NALF1: variants seen among roughly 807,000 people sequenced by gnomAD.
NALF1 encodes the protein NALCN channel auxiliary factor 1, also known as family with sequence similarity 155 member A.
A neutral mutation model predicts 48.4 loss-of-function variants in NALF1; 3 were observed. The observed-to-expected ratio is 0.06, with a 90% confidence interval of 0.03 to 0.16. NALF1 has a LOEUF of 0.16. Among genes scored for constraint, NALF1 ranks in the 10% least tolerant of loss-of-function variants. The pLI is 1.00. For missense variants in NALF1, 526 were observed against 571.5 expected (o/e 0.92, Z 0.81); for synonymous variants, 262 against 245.7 (o/e 1.07, Z -0.62).
intron 1 of NALF1, among the ~76,000 whole-genome samples, chr13:107,559,921 T>C (rs1187553237): frequency 3.3e-5 from 5 of 152,076 alleles, no homozygotes; most frequent in Non-Finnish European, 7.4e-5. Flanking sequence ...ATGGCAGAGA[T>C]GGAACCAGCT....
chr13:107,713,653 C>T (rs1044465614), intron 1 of NALF1, among the ~76,000 whole-genome samples: 1 of 152,180 alleles, frequency 6.6e-6, no homozygotes, highest in Non-Finnish European at 1.5e-5. Context: ...AATTTGGCAA[C>T]TCAGTCTCTG....
At chr13:107,245,884 C>T (rs1880572332) in intron 1 of NALF1, among the ~76,000 whole-genome samples, 1 of 152,170 alleles carries the variant, frequency 6.6e-6, no homozygotes, top group Admixed American at 6.5e-5. Context: ...TCTGGCCCCA[C>T]ATCCTGAATG....
chr13:107,607,764 CCTTA>C (rs1214287013), intron 1 of NALF1, among the ~76,000 whole-genome samples: 1 of 152,144 alleles, frequency 6.6e-6, no homozygotes, highest in Non-Finnish European at 1.5e-5. Context: ...ACTACCCTTG[CCTTA>C]CTTATCATTT....
intron 1 of NALF1, among the ~76,000 whole-genome samples, chr13:107,845,222 G>C (rs1880139709): frequency 6.6e-6 from 1 of 152,168 alleles, no homozygotes; most frequent in Admixed American, 6.6e-5. Context: ...AAGTCCAGAT[G>C]AAAGATTGCT....
At chr13:107,589,533 G>A (rs1340976038) in intron 1 of NALF1, among the ~76,000 whole-genome samples, 1 of 151,958 alleles carries the variant, frequency 6.6e-6, no homozygotes, top group Admixed American at 6.6e-5. Flanking sequence ...TGTGACTTGA[G>A]GGTAAATGAT....
chr13:107,466,398 A>G lies in NALF1; in HGVS notation c.916-255643T>C, dbSNP rs372951802. On this transcript the variant is annotated intron_variant, in intron 1 of 2. Coordinates refer to ENST00000375915, the MANE Select transcript of NALF1 (RefSeq NM_001080396.3). ...TCCACACACATGCAAAGTCTATAGC[A>G]GGGAGCAAGTTCAATAATGACATGG... 29 of 152,376 alleles carry G rather than the reference A, an allele frequency of 1.9e-4. 1 individual carries two copies. The highest frequency in any genetic ancestry group is 7.0e-4 in the African/African-American group (29 of 41,576). The allele number at this position is 152,376 out of a possible 1,614,324, so 9.4% of individuals were successfully genotyped here. A position where few individuals can be genotyped will look rare whatever the true frequency, so the allele number is the denominator to read the frequency against.
At chr13:107,451,698 T>G (rs1003207721) in intron 1 of NALF1, among the ~76,000 whole-genome samples, 1 of 152,220 alleles carries the variant, frequency 6.6e-6, no homozygotes. Context: ...TGTTCACATT[T>G]CTGCTCAGTT....
Position 107,170,321 on chromosome 13 carries a change from A to G in NALF1, c.*176T>C. On this transcript the variant is annotated 3_prime_UTR_variant, in exon 3 of 3. Coordinates refer to ENST00000375915, the MANE Select transcript of NALF1 (RefSeq NM_001080396.3). ...AAGTCACTTTCCAGCCTTTTAGTCA[A>G]TAAAAAGCTGTGGTTGTGTCCTTGT... 1 of 568,126 alleles carries G rather than the reference A, an allele frequency of 1.8e-6. No individual in the cohort carries two copies. Among genetic ancestry groups the G allele is most frequent in the Non-Finnish European group, 3.1e-6 (1 of 325,996 alleles). The allele number at this position is 568,126 out of a possible 1,614,324, so 35.2% of individuals were successfully genotyped here. A position where few individuals can be genotyped will look rare whatever the true frequency, so the allele number is the denominator to read the frequency against.
chr13:107,228,615 G>A (rs953764626), intron 1 of NALF1, among the ~76,000 whole-genome samples: 2 of 152,038 alleles, frequency 1.3e-5, no homozygotes, highest in African/African-American at 2.4e-5. Context: ...TAAATCTAAG[G>A]GTGCCGGTAA....
At chr13:107,288,614 C>T (rs1175825002) in intron 1 of NALF1, among the ~76,000 whole-genome samples, 2 of 151,170 alleles carry the variant, frequency 1.3e-5, no homozygotes, top group Non-Finnish European at 2.9e-5. Context: ...TCCCTGCAAC[C>T]TCCGCCTCCT....
At chr13:107,592,547 T>A (rs1049008565) in intron 1 of NALF1, among the ~76,000 whole-genome samples, 20 of 151,896 alleles carry the variant, frequency 1.3e-4, no homozygotes, top group African/African-American at 4.8e-4. Context: ...TGGCATGTCA[T>A]AAAAAATTAA....
chr13:107,438,172 T>C (rs1884493265), intron 1 of NALF1, among the ~76,000 whole-genome samples: 1 of 152,140 alleles, frequency 6.6e-6, no homozygotes, highest in African/African-American at 2.4e-5. Flanking sequence ...ATTCTAGAAA[T>C]ACTCACCAAG....
chr13:107,533,248 T>A (rs1030473571), intron 1 of NALF1, among the ~76,000 whole-genome samples: 2 of 152,110 alleles, frequency 1.3e-5, no homozygotes, highest in Non-Finnish European at 1.5e-5. Context: ...AAATGCAGAG[T>A]GCTATAATTA....
At chr13:107,682,850 G>T (rs1881339404) in intron 1 of NALF1, among the ~76,000 whole-genome samples, 1 of 152,074 alleles carries the variant, frequency 6.6e-6, no homozygotes, top group South Asian at 2.1e-4. Context: ...ACTTTCCAAT[G>T]GCCTCTGCCA....
At chr13:107,854,303 C>T (rs1485280968) in intron 1 of NALF1, among the ~76,000 whole-genome samples, 1 of 152,244 alleles carries the variant, frequency 6.6e-6, no homozygotes, top group Non-Finnish European at 1.5e-5. Context: ...CTTGCATTTT[C>T]ATGCTTGTGG....
At chr13:107,494,700 A>G (rs1283696549) in intron 1 of NALF1, among the ~76,000 whole-genome samples, 1 of 152,226 alleles carries the variant, frequency 6.6e-6, no homozygotes, top group Non-Finnish European at 1.5e-5. Context: ...TTCTGACATT[A>G]TAAATAGCAT....
intron 1 of NALF1, among the ~76,000 whole-genome samples, chr13:107,420,019 G>C (rs2139008004): frequency 6.6e-6 from 1 of 152,066 alleles, no homozygotes; most frequent in South Asian, 2.1e-4. Context: ...AGTGACTCTG[G>C]GTTTAAACTC....
At chr13:107,595,522 AT>A (rs1459143023) in intron 1 of NALF1, among the ~76,000 whole-genome samples, 1 of 152,166 alleles carries the variant, frequency 6.6e-6, no homozygotes, top group Non-Finnish European at 1.5e-5. Flanking sequence ...CACATGCTTC[AT>A]TTCATAACAA....
At chr13:107,378,991 T>A (rs1883386963) in intron 1 of NALF1, among the ~76,000 whole-genome samples, 1 of 152,226 alleles carries the variant, frequency 6.6e-6, no homozygotes, top group Non-Finnish European at 1.5e-5. Flanking sequence ...TGGACGCTTT[T>A]ATTCTTCACA....
Sources: allele counts gnomAD v4.1 joint callset (sites outside exome capture counted in the v4.1 genomes callset), GRCh38; gene constraint gnomAD v4.1.1; transcripts MANE v1.5; gene names NCBI Gene and HGNC (gene_info 2026-07-23, HGNC 2026-07-21).